ZNF205: variants seen among roughly 807,000 people sequenced by gnomAD.
The protein encoded by ZNF205 is zinc finger protein 205, also known as transcriptional repressor RHIT.
Under a neutral mutation model 53.6 loss-of-function variants are expected in ZNF205, and 32 were observed. The observed-to-expected ratio is 0.60, with a 90% CI of 0.45 to 0.80. The LOEUF is 0.80. ZNF205 is among the 30% of genes least tolerant of loss of function. The pLI, the probability that ZNF205 is intolerant of heterozygous loss-of-function variation, is 0.00. For synonymous variants in ZNF205, 382 were observed against 334.3 expected, an observed-to-expected ratio of 1.14 and a Z score of -1.56; for missense variants, 836 against 782.4, an observed-to-expected ratio of 1.07 and a Z score of -0.82.
chr16:3,119,602 C>A lies in ZNF205; in HGVS notation c.942C>A (p.Gly314=). Reference sequence around the variant, plus strand: ...AGAGCTACCGGTGCGAGCAGTGCGGCAAGGGCTTCAGCTGGCACTCGCACC... The same window carrying A: ...AGAGCTACCGGTGCGAGCAGTGCGGAAAGGGCTTCAGCTGGCACTCGCACC... The part of the protein sequence containing the change: ...GRKSYRCEQC[G]KGFSWHSHLV... The change falls in exon 7 of 7, where the codon GGC becomes GGA. Residue 314 remains glycine (G), a synonymous_variant. Transcript: ENST00000219091. 6.2e-7 allele frequency: 1 copy of A among 1,610,096 alleles called. No individual in the cohort carries two copies. Among genetic ancestry groups the A allele is most frequent in the South Asian group, 1.1e-5 (1 of 90,766 alleles).
chr16:3,115,898 C>A lies in ZNF205; in HGVS notation c.341C>A (p.Ala114Glu). The A allele has an allele frequency of 6.2e-7, 1 of 1,613,912 alleles. No individual in the cohort carries two copies. The highest frequency in any genetic ancestry group is 8.5e-7 in the Non-Finnish European group (1 of 1,179,964). ...ACCAGAGACCGGCAGATGGCTGCAG[C>A]GCTCCTCACTGCCTGGTCCCAGGTG... ...GRTRDRQMAA[A>E]LLTAWSQMPV... The change falls in exon 4 of 7, where the codon GCG becomes GAG. Residue 114 changes from alanine (A) to glutamate (E), a missense_variant. Transcript: ENST00000219091.
In ZNF205 at chr16:3,119,457, C is replaced by T. The variant is rs978006510; in HGVS notation, c.797C>T (p.Pro266Leu). The change falls in exon 7 of 7, where the codon CCA becomes CTA. Residue 266 changes from proline (P) to leucine (L), a missense_variant. Physicochemically the swap from Pro to Leu is moderately conservative, Grantham distance 98. Transcript: ENST00000219091. ...EPDRTPDAAP[P>L]DPSPTEPQEY... ...GATCGCACCCCGGATGCAGCTCCGCCAGACCCCAGTCCCACGGAGCCCCAG... is the reference window on the plus strand; with the variant it reads ...GATCGCACCCCGGATGCAGCTCCGCTAGACCCCAGTCCCACGGAGCCCCAG... 1 of 1,591,572 alleles carries T rather than the reference C, an allele frequency of 6.3e-7. No individual in the cohort carries two copies. Among genetic ancestry groups the T allele is most frequent in the South Asian group, 1.1e-5 (1 of 89,214 alleles).
At chr16:3,116,863 C>T (rs1006968079) in intron 5 of ZNF205, among the ~76,000 whole-genome samples, 1 of 152,200 alleles carries the variant, frequency 6.6e-6, no homozygotes, top group Non-Finnish European at 1.5e-5. Context: ...GGCACGATCT[C>T]GGCTCACTGC....
intron 4 of ZNF205, 191 bp from the exon 5 acceptor site, chr16:3,116,236 G>A (rs1957344042): frequency 2.6e-6 from 2 of 761,794 alleles, no homozygotes; most frequent in African/African-American, 1.8e-5. Flanking sequence ...AATACCTCTT[G>A]GTCTTTGTTC....
chr16:3,115,940 C>A lies in ZNF205; in HGVS notation c.363+20C>A, dbSNP rs1025079726. The A allele has an allele frequency of 6.2e-7, 1 of 1,607,350 alleles. No homozygotes were observed. The highest frequency in any genetic ancestry group is 1.7e-5 in the Admixed American group (1 of 59,210). Reference sequence around the variant, plus strand: ...TCCCAGGTGAGTGGCCCTTCCCCGGCCCCTGCATGGTACTCAGCCCTTCCT... The same window carrying A: ...TCCCAGGTGAGTGGCCCTTCCCCGGACCCTGCATGGTACTCAGCCCTTCCT... On this transcript the variant is annotated intron_variant, in intron 4 of 6. Transcript: ENST00000219091.
chr16:3,116,513 G>T lies in ZNF205; in HGVS notation c.450G>T (p.Arg150Ser). ...RLDHTQQNFY[R>S]DVLQKKNGLS... ...ACCACACGCAGCAGAACTTCTACAG[G>T]GATGTCCTGCAGAAGAAAAATGGGC... is the stretch of plus-strand genomic sequence containing the variant. The change falls in exon 5 of 7, where the codon AGG becomes AGT. Residue 150 changes from arginine (R) to serine (S), a missense_variant. Transcript: ENST00000219091. 1 of 1,614,038 alleles carries T rather than the reference G, an allele frequency of 6.2e-7. No homozygotes were observed. Among genetic ancestry groups the T allele is most frequent in the Non-Finnish European group, 8.5e-7 (1 of 1,180,002 alleles).
intron 2 of ZNF205, chr16:3,115,069 A>G (rs1386081151): frequency 7.0e-6 from 2 of 286,746 alleles, no homozygotes; most frequent in African/African-American, 4.3e-5. Flanking sequence ...TGGTTTCTTC[A>G]TACACTAATA....
chr16:3,120,053 G>A lies in ZNF205; in HGVS notation c.1393G>A (p.Ala465Thr), dbSNP rs150778586. ...KCFSQRSNLI[A>T]HNRTHTGEKP... ...CTTCAGCCAGCGTTCCAACCTCATC[G>A]CGCACAACCGCACACACACAGGCGA... The change falls in exon 7 of 7, where the codon GCG becomes ACG. Residue 465 changes from alanine (A) to threonine (T), a missense_variant. Transcript: ENST00000219091. 7.4e-5 allele frequency: 119 copies of A among 1,609,108 alleles called. No homozygotes were observed. Among genetic ancestry groups the A allele is most frequent in the Non-Finnish European group, 9.8e-5 (115 of 1,178,590 alleles).
rs151133924 is a variant in ZNF205, at chr16:3,116,868, C to T, written c.484+321C>T. On this transcript the variant is annotated intron_variant, in intron 5 of 6. Coordinates refer to ENST00000219091, the MANE Select transcript of ZNF205 (RefSeq NM_001042428.2). ...GGAACACAGTGGCACGATCTCGGCTCACTGCAAGCTCCGCCTCCCGGGTTC... is the reference window on the plus strand; with the variant it reads ...GGAACACAGTGGCACGATCTCGGCTTACTGCAAGCTCCGCCTCCCGGGTTC... Among the ~76,000 whole-genome samples the T allele has an allele frequency of 6.4e-3, 978 of 152,336 alleles. 6 individuals are homozygous for T. Among genetic ancestry groups the T allele is most frequent in the Middle Eastern group, 0.02 (6 of 294 alleles).
At chr16:3,112,978 G>GGACC in intron 1 of ZNF205, 1 of 212,224 alleles carries the variant, frequency 4.7e-6, no homozygotes, top group Non-Finnish European at 9.4e-6. Flanking sequence ...ATGTCCTGGG[G>GGACC]TCGGGGGACA....
In ZNF205 at chr16:3,115,338, G is replaced by A. The variant is rs1045156524; in HGVS notation, c.58-17G>A. 2 of 1,551,180 alleles carry A rather than the reference G, an allele frequency of 1.3e-6. No homozygotes were observed. Among genetic ancestry groups the A allele is most frequent in the Non-Finnish European group, 1.7e-6 (2 of 1,149,186 alleles). On this transcript the variant is annotated splice_polypyrimidine_tract_variant and intron_variant, in intron 2 of 6. Transcript: ENST00000219091. The stretch of plus-strand genomic sequence containing the variant: ...CTCTCCCACTCATCTGGGTGCTGAT[G>A]GGGCTGTCCTTTCTAGGTTCCAGAT...
At chr16:3,113,360 G>GA (rs2151225605) in intron 1 of ZNF205, 57 bp from the exon 2 acceptor site, 1 of 1,578,108 alleles carries the variant, frequency 6.3e-7, no homozygotes, top group Non-Finnish European at 8.7e-7. Context: ...CTCCTGGCCA[G>GA]AAGCTGGAGG....
At position 3,112,591 on chromosome 16, in the gene ZNF205, A is replaced by ATG; in HGVS notation, c.-106_-105insTG. 3.1e-6 allele frequency: 1 copy of ATG among 318,512 alleles called. No individual in the cohort carries two copies. The highest frequency in any genetic ancestry group is 2.4e-5 in the South Asian group (1 of 41,414). 19.7% of individuals were successfully genotyped at this position (318,512 alleles called of 1,614,324 possible). A position where few individuals can be genotyped will look rare whatever the true frequency, so the allele number is the denominator to read the frequency against. ...CTTCCCTACTCCCAGTCTCCACCCA[A>ATG]CTCCCCCGCCCGCCCCGTGCAGGCT... is the stretch of plus-strand genomic sequence containing the variant. On this transcript the variant is annotated 5_prime_UTR_variant, in exon 1 of 7. The change creates a new upstream start codon in the 5' untranslated region. Coordinates refer to ENST00000219091, the MANE Select transcript of ZNF205 (RefSeq NM_001042428.2).
In ZNF205 at chr16:3,113,501, T is replaced by C; in HGVS notation, c.57+14T>C. The C allele has an allele frequency of 6.2e-7, 1 of 1,612,580 alleles. No individual in the cohort carries two copies. Among genetic ancestry groups the C allele is most frequent in the Non-Finnish European group, 8.5e-7 (1 of 1,179,482 alleles). ...ACACCCCCGGAGGTACAGATGGGGC[T>C]GGCTGAGGGAGGTGTGCGGTAGAAG... is the stretch of plus-strand genomic sequence containing the variant. On this transcript the variant is annotated intron_variant, in intron 2 of 6. Coordinates refer to ENST00000219091, the MANE Select transcript of ZNF205 (RefSeq NM_001042428.2).
At position 3,119,967 on chromosome 16, in the gene ZNF205, T is replaced by C; in HGVS notation, c.1307T>C (p.Val436Ala). The C allele has an allele frequency of 6.2e-7, 1 of 1,613,612 alleles. No homozygotes were observed. Reference sequence around the variant, plus strand: ...TGCTTCACGCAGAGCTCGGCGCTAGTCACCCACCAGCGCACCCACACTGGG... The same window carrying C: ...TGCTTCACGCAGAGCTCGGCGCTAGCCACCCACCAGCGCACCCACACTGGG... ...AKCFTQSSALVTHQRTHTGVK... is the reference protein window; with the variant it reads ...AKCFTQSSALATHQRTHTGVK... The change falls in exon 7 of 7, where the codon GTC (valine) becomes GCC (alanine). Residue 436 changes from valine (V) to alanine (A), a missense_variant. Transcript: ENST00000219091.
At position 3,115,850 on chromosome 16, in the gene ZNF205, C is replaced by A. The variant is rs770667015; in HGVS notation, c.293C>A (p.Pro98His). 6.2e-7 allele frequency: 1 copy of A among 1,614,046 alleles called. No individual in the cohort carries two copies. Among genetic ancestry groups the A allele is most frequent in the South Asian group, 1.1e-5 (1 of 91,064 alleles). Residue 98 changes from proline (P) to histidine (H), a missense_variant, in exon 4 of 7, where the codon CCC becomes CAC. Coordinates refer to ENST00000219091, the MANE Select transcript of ZNF205 (RefSeq NM_001042428.2). ...PGGALPSPRI[P>H]VLSREGRTRD... Reference sequence around the variant, plus strand: ...ACAGCCCTCCCCTCCCCCCGGATCCCCGTGCTTTCCCGAGAGGGGAGGACC... The same window carrying A: ...ACAGCCCTCCCCTCCCCCCGGATCCACGTGCTTTCCCGAGAGGGGAGGACC...
At chr16:3,115,724 G>T in intron 3 of ZNF205, 105 bp from the exon 4 acceptor site, 1 of 1,407,604 alleles carries the variant, frequency 7.1e-7, no homozygotes, top group South Asian at 1.4e-5. Flanking sequence ...AGAGCCATCC[G>T]ACCCTGTCCT....
chr16:3,118,231 C>T (rs1957369994), intron 5 of ZNF205, among the ~76,000 whole-genome samples: 1 of 151,904 alleles, frequency 6.6e-6, no homozygotes, highest in African/African-American at 2.4e-5. Context: ...TCATGGTGGT[C>T]CCAAGGCCCC....
In ZNF205 at chr16:3,119,271, G is replaced by A. The variant is rs994090314; in HGVS notation, c.611G>A (p.Gly204Glu). The change falls in exon 7 of 7, where the codon GGG becomes GAG. Residue 204 changes from glycine to glutamate, a missense_variant. Coordinates refer to ENST00000219091, the MANE Select transcript of ZNF205 (RefSeq NM_001042428.2). ...RGACTGAVEV[G>E]QRVQTSSVAA... ...CTTTTTCCAGGAGCCGTCGAGGTGG[G>A]GCAGAGGGTGCAGACCTCATCCGTG... 6.3e-7 allele frequency: 1 copy of A among 1,586,364 alleles called. No homozygotes were observed. Among genetic ancestry groups the A allele is most frequent in the African/African-American group, 1.4e-5 (1 of 73,864 alleles).
Sources: gnomAD v4.1 joint callset for allele counts (sites outside exome capture counted in the v4.1 genomes callset) on GRCh38, gnomAD v4.1.1 for gene constraint, MANE v1.5 for transcripts, NCBI Gene and HGNC (gene_info 2026-07-23, HGNC 2026-07-21) for gene names.